PCDH11X: variants seen among roughly 807,000 people sequenced by gnomAD.
PCDH11X encodes protocadherin 11 X-linked, also known as protocadherin-11 X-linked.
In PCDH11X, 18 loss-of-function variants were observed where a neutral mutation model predicts 53.3. That is an observed-to-expected ratio of 0.34 (90% CI 0.23 to 0.50). PCDH11X has a LOEUF of 0.50. PCDH11X is among the 20% of genes least tolerant of loss of function. The probability of loss-of-function intolerance (pLI) is 0.98; values close to 1 mark genes in which losing one functional copy is unlikely to be tolerated. For missense variants in PCDH11X, 570 were observed against 1,032.4 expected (o/e 0.55, Z 6.14); for synonymous variants, 279 against 393.3 (o/e 0.71, Z 3.44).
chrX:92,399,049 C>CG (rs2148586314), intron 9 of PCDH11X, among the ~76,000 whole-genome samples: 2 of 108,568 alleles, frequency 1.8e-5, no homozygotes, highest in South Asian at 8.3e-4. Context: ...AAAAATTAGC[C>CG]GGTCGTGGTG....
chrX:92,113,698 C>T (rs35204408), intron 6 of PCDH11X: 33 of 1,200,036 alleles, frequency 2.7e-5, no homozygotes, highest in South Asian at 7.1e-5. Context: ...CCACTCCTCT[C>T]GTTCCACGTT....
At chrX:92,322,015 T>A (rs907594640) in intron 8 of PCDH11X, among the ~76,000 whole-genome samples, 1 of 108,000 alleles carries the variant, frequency 9.3e-6, no homozygotes, top group African/African-American at 3.4e-5. Context: ...GAAACGTATA[T>A]ACTTTGCTGG....
At chrX:91,971,205 G>T (rs1429279546) in intron 6 of PCDH11X, among the ~76,000 whole-genome samples, 4 of 109,818 alleles carry the variant, frequency 3.6e-5, no homozygotes, top group African/African-American at 1.3e-4. Flanking sequence ...AAGGAGCAGA[G>T]AATTCATTTA....
chrX:92,527,392 A>G (rs781058843), intron 10 of PCDH11X, among the ~76,000 whole-genome samples: 250 of 110,907 alleles, frequency 2.3e-3, no homozygotes, highest in Non-Finnish European at 4.1e-3. Context: ...ATGAATATAT[A>G]CACCTGGTAT....
intron 10 of PCDH11X, among the ~76,000 whole-genome samples, chrX:92,507,958 G>A (rs776359723): frequency 1.0e-4 from 11 of 108,981 alleles, no homozygotes; most frequent in South Asian, 4.1e-4. Context: ...GATTACAGGC[G>A]CCCGCCACCA....
At position 91,983,595 on chromosome X, in the gene PCDH11X, G is replaced by A. The variant is rs113264610; in HGVS notation, c.3033+104322G>A. The A allele has an allele frequency of 2.9e-3, 1,203 of 408,793 alleles. 10 individuals are homozygous for A. The highest frequency in any genetic ancestry group is 0.026 in the African/African-American group (1,030 of 40,016). 33.7% of individuals were successfully genotyped at this position (408,793 alleles called of 1,213,427 possible). The stretch of plus-strand genomic sequence containing the variant: ...CAGAGAACTAAGTGGAGCCAGCTGC[G>A]GGGCCCAACTCCCGTTTTTAAAACC... On this transcript the variant is annotated intron_variant, in intron 6 of 10. Coordinates refer to ENST00000682573, the MANE Select transcript of PCDH11X (RefSeq NM_032968.5).
At chrX:92,262,986 C>G in intron 7 of PCDH11X, 128 bp from the exon 8 acceptor site, 2 of 1,070,142 alleles carry the variant, frequency 1.9e-6, no homozygotes, top group Admixed American at 3.8e-5. Context: ...TACCATTGCA[C>G]TGGGAATGTT....
At chrX:91,988,291 G>T (rs1289741391) in intron 6 of PCDH11X, among the ~76,000 whole-genome samples, 1 of 106,270 alleles carries the variant, frequency 9.4e-6, no homozygotes, top group African/African-American at 3.5e-5. Flanking sequence ...CCCATATCTA[G>T]TCCTCCCTTC....
chrX:92,175,330 A>G (rs6618890), intron 6 of PCDH11X, among the ~76,000 whole-genome samples: 55,516 of 110,220 alleles, frequency 0.5, 10,590 homozygotes, highest in Non-Finnish European at 0.6. Context: ...AAAGAAAGGT[A>G]GATCTTGTAC....
At chrX:91,949,513 C>T (rs2524689) in intron 6 of PCDH11X, among the ~76,000 whole-genome samples, 4 of 110,323 alleles carry the variant, frequency 3.6e-5, no homozygotes, top group African/African-American at 1.3e-4. Context: ...AAAACAAATT[C>T]GTACAAGTAG....
At chrX:92,136,298 G>A (rs1415009307) in intron 6 of PCDH11X, among the ~76,000 whole-genome samples, 3 of 110,727 alleles carry the variant, frequency 2.7e-5, no homozygotes, top group Non-Finnish European at 3.8e-5. Flanking sequence ...TATGTGTGAC[G>A]TAGACAGCAA....
At position 91,907,412 on chromosome X, in the gene PCDH11X, CAG is replaced by C. The variant is rs59848282; in HGVS notation, c.3033+28168_3033+28169del. Among the ~76,000 whole-genome samples, 464 of 57,465 alleles carry C rather than the reference CAG, an allele frequency of 8.1e-3. 6 individuals are homozygous for C. The highest frequency in any genetic ancestry group is 0.033 in the African/African-American group (445 of 13,365). The allele number at this position is 57,465 out of a possible 115,157, so 49.9% of individuals were successfully genotyped here. On this transcript the variant is annotated intron_variant, in intron 6 of 10. Transcript: ENST00000682573. ...ACACACACACACACACACACACACA[CAG>C]AGAGAGAGAGAGAGAGAGAGAGAGA...
chrX:92,266,116 G>T (rs2067824627), intron 8 of PCDH11X, among the ~76,000 whole-genome samples: 1 of 111,041 alleles, frequency 9.0e-6, no homozygotes, highest in Non-Finnish European at 1.9e-5. Context: ...CTTTTGAAGG[G>T]TATTTTGGAT....
At chrX:92,031,676 G>A in intron 6 of PCDH11X, among the ~76,000 whole-genome samples, 1 of 111,305 alleles carries the variant, frequency 9.0e-6, no homozygotes, top group East Asian at 2.8e-4. Flanking sequence ...GAGAGACAGG[G>A]ATCTAGTTTC....
rs1344270632 is a variant in PCDH11X, at chrX:92,472,993, T to G, written c.3367+4671T>G. 9.2e-5 allele frequency among the ~76,000 whole-genome samples: 10 copies of G among 108,841 alleles called. No homozygotes were observed. The Admixed American group carries it at 9.9e-4, about 11-fold the overall frequency. The allele number at this position is 108,841 out of a possible 115,157, so 94.5% of individuals were successfully genotyped here. A position where few individuals can be genotyped will look rare whatever the true frequency, so the allele number is the denominator to read the frequency against. On this transcript the variant is annotated intron_variant, in intron 10 of 10. Coordinates refer to ENST00000682573, the MANE Select transcript of PCDH11X (RefSeq NM_032968.5). ...GTGTCCTGAGACTTTGGTGAAGTTG[T>G]TTAACAGCTTCAGAAGCTTCGGGGC...
At chrX:92,485,163 A>T (rs1314725035) in intron 10 of PCDH11X, among the ~76,000 whole-genome samples, 1 of 110,712 alleles carries the variant, frequency 9.0e-6, no homozygotes, top group East Asian at 2.8e-4. Flanking sequence ...TATTTGGAGC[A>T]ATCTTTCATT....
intron 10 of PCDH11X, among the ~76,000 whole-genome samples, chrX:92,470,124 T>A (rs2073232806): frequency 9.0e-6 from 1 of 110,642 alleles, no homozygotes; most frequent in Non-Finnish European, 1.9e-5. Flanking sequence ...TTGATTAATT[T>A]ATCATATTTT....
intron 10 of PCDH11X, among the ~76,000 whole-genome samples, chrX:92,597,382 C>A (rs1307452833): frequency 9.1e-6 from 1 of 110,413 alleles, no homozygotes; most frequent in East Asian, 2.8e-4. Flanking sequence ...TATATCCCAA[C>A]AGTGAATAAA....
At chrX:92,106,742 C>G (rs1340285743) in intron 6 of PCDH11X, among the ~76,000 whole-genome samples, 1 of 111,828 alleles carries the variant, frequency 8.9e-6, no homozygotes, top group Non-Finnish European at 1.9e-5. Context: ...TTCTAAGACA[C>G]TCTCTTGGAT....
Sources: allele counts gnomAD v4.1 joint callset (sites outside exome capture counted in the v4.1 genomes callset), GRCh38; gene constraint gnomAD v4.1.1; transcripts MANE v1.5; gene names NCBI Gene and HGNC (gene_info 2026-07-23, HGNC 2026-07-21).